The following ZSCAN21 variants were observed in gnomAD, a reference collection of about 807,000 sequenced individuals.
ZSCAN21 encodes the protein zinc finger and SCAN domain containing 21.
In ZSCAN21, 26 loss-of-function variants were observed where a neutral mutation model predicts 35.6. The observed-to-expected ratio is 0.73, with a 90% CI of 0.54 to 1.01. The LOEUF is 1.01. Ranked by LOEUF, ZSCAN21 falls within the 50% of genes least tolerant of loss-of-function variation. The pLI is 0.00. For missense variants in ZSCAN21, 593 were observed against 587.1 expected (o/e 1.01, Z -0.10); for synonymous variants, 219 against 219.3 (o/e 1.00, Z 0.01).
Position 100,064,736 on chromosome 7 carries a change from G to C in ZSCAN21, c.*119G>C, listed in dbSNP as rs568211993. 160 of 1,613,078 alleles carry C rather than the reference G, an allele frequency of 9.9e-5. 1 individual carries two copies. The East Asian group carries it at 3.3e-3, about 33-fold the overall frequency. ...ATAGAGTTTGTATCACTCAACATCA[G>C]GGGATGCCTGAGGAGTGCGAGCTCC... is the stretch of plus-strand genomic sequence containing the variant. On this transcript the variant is annotated 3_prime_UTR_variant, in exon 4 of 4. Coordinates refer to ENST00000292450, the MANE Select transcript of ZSCAN21 (RefSeq NM_145914.3).
Position 100,064,494 on chromosome 7 carries a change from A to C in ZSCAN21, c.1299A>C (p.Lys433Asn). 1 of 1,614,004 alleles carries C rather than the reference A, an allele frequency of 6.2e-7. No homozygotes were observed. Residue 433 changes from lysine to asparagine, a missense_variant, in exon 4 of 4, where the codon AAA (lysine) becomes AAC (asparagine). By Grantham distance (94) the Lys-to-Asn change is moderately conservative. Coordinates refer to ENST00000292450, the MANE Select transcript of ZSCAN21 (RefSeq NM_145914.3). Reference sequence around the variant, plus strand: ...TCAACCACAGCTCCAACTTCAATAAACACCACAGAATCCACACCGGGGAAA... The same window carrying C: ...TCAACCACAGCTCCAACTTCAATAACCACCACAGAATCCACACCGGGGAAA... ...KAFNHSSNFN[K>N]HHRIHTGEKP...
chr7:100,056,168 T>C (rs1792068735), intron 1 of ZSCAN21, among the ~76,000 whole-genome samples: 1 of 151,672 alleles, frequency 6.6e-6, no homozygotes, highest in Non-Finnish European at 1.5e-5. Context: ...CTCGATCTCC[T>C]GACCTCGTGA....
intron 3 of ZSCAN21, among the ~76,000 whole-genome samples, chr7:100,062,869 G>A (rs535313361): frequency 7.9e-5 from 12 of 152,202 alleles, no homozygotes; most frequent in Admixed American, 3.3e-4. Flanking sequence ...ATGAGACTCC[G>A]TCTCAAAATA....
At chr7:100,055,935 C>G (rs1792058906) in intron 1 of ZSCAN21, among the ~76,000 whole-genome samples, 2 of 145,854 alleles carry the variant, frequency 1.4e-5, no homozygotes, top group Admixed American at 1.4e-4. Context: ...AGCCACCGCG[C>G]CCGGCCCTCC....
At chr7:100,054,224 A>G (rs1157258565) in intron 1 of ZSCAN21, among the ~76,000 whole-genome samples, 1 of 151,372 alleles carries the variant, frequency 6.6e-6, no homozygotes. Flanking sequence ...TATTCAAATT[A>G]TTGGTTATAG....
chr7:100,064,338 C>T lies in ZSCAN21; in HGVS notation c.1143C>T (p.Ile381=). ...GKGSLIRHYR[I]HTGEKPYQCN... is the part of the protein sequence containing the mutation. ...GCAGCCTCATTCGTCACTATCGGATCCACACTGGGGAGAAGCCTTATCAGT... is the reference window on the plus strand; with the variant it reads ...GCAGCCTCATTCGTCACTATCGGATTCACACTGGGGAGAAGCCTTATCAGT... The change falls in exon 4 of 4, where the codon ATC becomes ATT. Residue 381 remains isoleucine, a synonymous_variant. Transcript: ENST00000292450. The T allele has an allele frequency of 6.2e-7, 1 of 1,613,840 alleles. No homozygotes were observed.
Position 100,064,541 on chromosome 7 carries a change from G to A in ZSCAN21, c.1346G>A (p.Cys449Tyr). The change falls in exon 4 of 4, where the codon TGT (cysteine) becomes TAT (tyrosine). Residue 449 changes from cysteine (C) to tyrosine (Y), a missense_variant. Physicochemically the swap from Cys to Tyr is radical, Grantham distance 194 (BLOSUM62 -2). Transcript: ENST00000292450. ...GAAAAGCCCTACTGGTGTCATCACTGTGGAAAGACCTTCTGTAGCAAGTCC... is the reference window on the plus strand; with the variant it reads ...GAAAAGCCCTACTGGTGTCATCACTATGGAAAGACCTTCTGTAGCAAGTCC... ...TGEKPYWCHH[C>Y]GKTFCSKSNL... 2 of 1,614,182 alleles carry A rather than the reference G, an allele frequency of 1.2e-6. No homozygotes were observed. Among genetic ancestry groups the A allele is most frequent in the Non-Finnish European group, 1.7e-6 (2 of 1,180,036 alleles).
rs373200632 is a variant in ZSCAN21 at position 100,057,230 on chromosome 7, G to A, written c.224G>A (p.Arg75Lys). 2.7e-6 allele frequency: 4 copies of A among 1,488,886 alleles called. No individual in the cohort carries two copies. The highest frequency in any genetic ancestry group is 1.8e-6 in the Non-Finnish European group (2 of 1,118,092). 92.2% of individuals were successfully genotyped at this position (1,488,886 alleles called of 1,614,324 possible). A position where few individuals can be genotyped will look rare whatever the true frequency, so the allele number is the denominator to read the frequency against. ...QLRVLCCEWL[R>K]PEIHTKEQIL... ...CGGGTGCTCTGCTGTGAGTGGCTGAGGCCCGAGATCCACACCAAGGAGCAG... is the reference window on the plus strand; with the variant it reads ...CGGGTGCTCTGCTGTGAGTGGCTGAAGCCCGAGATCCACACCAAGGAGCAG... The change falls in exon 2 of 4, where the codon AGG becomes AAG. Residue 75 changes from arginine (R) to lysine (K), a missense_variant. Arg to Lys is a conservative substitution (Grantham distance 26). Coordinates refer to ENST00000292450, the MANE Select transcript of ZSCAN21 (RefSeq NM_145914.3).
In ZSCAN21 at chr7:100,056,901, A is replaced by G; in HGVS notation, c.-96-10A>G. 8.2e-7 allele frequency: 1 copy of G among 1,223,808 alleles called. No individual in the cohort carries two copies. Among genetic ancestry groups the G allele is most frequent in the Non-Finnish European group, 1.1e-6 (1 of 895,448 alleles). 75.8% of individuals were successfully genotyped at this position (1,223,808 alleles called of 1,614,324 possible). ...AGTTTGATTATTTTTTGGTAACTAT[A>G]TTTTCTTAGGTTTAACTTGTGGCCC... On this transcript the variant is annotated splice_polypyrimidine_tract_variant and intron_variant, in intron 1 of 3. Transcript: ENST00000292450.
At chr7:100,062,695 T>G (rs1444839044) in intron 3 of ZSCAN21, among the ~76,000 whole-genome samples, 1 of 151,136 alleles carries the variant, frequency 6.6e-6, no homozygotes, top group African/African-American at 2.4e-5. Context: ...GCCAACATGG[T>G]GAAACCCCAT....
chr7:100,063,153 C>T (rs1792417854), intron 3 of ZSCAN21, among the ~76,000 whole-genome samples: 1 of 152,258 alleles, frequency 6.6e-6, no homozygotes. Flanking sequence ...CCTCAGCTCC[C>T]AAAGTGCTGG....
intron 3 of ZSCAN21, among the ~76,000 whole-genome samples, 158 bp from the exon 4 acceptor site, chr7:100,063,630 T>G (rs1378972320): frequency 1.3e-5 from 2 of 152,036 alleles, no homozygotes; most frequent in African/African-American, 4.8e-5. Context: ...TAAACTAGAT[T>G]GGATGCTGAT....
At chr7:100,057,936 T>A in intron 3 of ZSCAN21, 46 bp downstream of exon 3, 1 of 1,423,318 alleles carries the variant, frequency 7.0e-7, no homozygotes, top group Non-Finnish European at 9.3e-7. Context: ...CAGGCCCCTG[T>A]GGTTGGAGAA....
At chr7:100,052,322 G>T (rs1275391824) in intron 1 of ZSCAN21, among the ~76,000 whole-genome samples, 1 of 152,040 alleles carries the variant, frequency 6.6e-6, no homozygotes, top group Non-Finnish European at 1.5e-5. Context: ...CCAGAACTTT[G>T]AGAGACCAAG....
chr7:100,064,789 C>G lies in ZSCAN21; in HGVS notation c.*172C>G. On this transcript the variant is annotated 3_prime_UTR_variant, in exon 4 of 4. Coordinates refer to ENST00000292450, the MANE Select transcript of ZSCAN21 (RefSeq NM_145914.3). ...AGCAACATGGCAGGCAGGAGGTCCT[C>G]AGAAGGTGTCAGGAGGTTCCACACT... 1 of 1,614,150 alleles carries G rather than the reference C, an allele frequency of 6.2e-7. No individual in the cohort carries two copies. The highest frequency in any genetic ancestry group is 8.5e-7 in the Non-Finnish European group (1 of 1,180,026).
intron 1 of ZSCAN21, among the ~76,000 whole-genome samples, chr7:100,053,019 A>G (rs1223235087): frequency 1.3e-5 from 2 of 151,710 alleles, no homozygotes. Context: ...CCACCTACTC[A>G]GGAGGCTGAG....
Position 100,064,298 on chromosome 7 carries a change from C to A in ZSCAN21, c.1103C>A (p.Ala368Asp). The change falls in exon 4 of 4, where the codon GCT (alanine) becomes GAT (aspartate). Residue 368 changes from alanine (A) to aspartate (D), a missense_variant. Coordinates refer to ENST00000292450, the MANE Select transcript of ZSCAN21 (RefSeq NM_145914.3). Reference sequence around the variant, plus strand: ...TATCAGTGCAAAGATTGTGGCAAGGCTTTCAGCGGGAAAGGCAGCCTCATT... The same window carrying A: ...TATCAGTGCAAAGATTGTGGCAAGGATTTCAGCGGGAAAGGCAGCCTCATT... ...APYQCKDCGK[A>D]FSGKGSLIRH... 6.2e-7 allele frequency: 1 copy of A among 1,614,176 alleles called. No individual in the cohort carries two copies. Among genetic ancestry groups the A allele is most frequent in the Non-Finnish European group, 8.5e-7 (1 of 1,180,038 alleles).
intron 3 of ZSCAN21, among the ~76,000 whole-genome samples, chr7:100,059,617 A>G (rs1328258836): frequency 6.8e-6 from 1 of 146,504 alleles, no homozygotes; most frequent in Non-Finnish European, 1.5e-5. Flanking sequence ...CATTTATGCA[A>G]TCTCGGCTCA....
intron 3 of ZSCAN21, among the ~76,000 whole-genome samples, chr7:100,059,576 C>T (rs1391648311): frequency 3.1e-5 from 4 of 128,918 alleles, no homozygotes; most frequent in African/African-American, 5.9e-5. Context: ...TTTTTTGAGA[C>T]GGAGTCTCCC....
Sources: allele counts gnomAD v4.1 joint callset (sites outside exome capture counted in the v4.1 genomes callset), GRCh38; gene constraint gnomAD v4.1.1; transcripts MANE v1.5; gene names NCBI Gene and HGNC (gene_info 2026-07-23, HGNC 2026-07-21).